The following AKAP6 variants were observed in gnomAD, a reference collection of about 807,000 sequenced individuals.
AKAP6 encodes the protein A-kinase anchor protein 6.
In AKAP6, 58 loss-of-function variants were observed where a neutral mutation model predicts 188.5. The ratio of observed to expected loss-of-function variants is 0.31; its 90% confidence interval spans 0.25 to 0.38. The LOEUF (loss-of-function observed/expected upper bound fraction) is 0.38. AKAP6 is among the 10% of genes least tolerant of loss of function. The probability of loss-of-function intolerance (pLI) is 1.00; values close to 1 mark genes in which losing one functional copy is unlikely to be tolerated. For missense variants in AKAP6, 2,710 were observed against 2,740.0 expected (o/e 0.99, Z 0.24); for synonymous variants, 989 against 998.6 (o/e 0.99, Z 0.18).
rs921467026 is a variant in AKAP6, at chr14:32,671,377, A to G, written c.2731-6934A>G. On this transcript the variant is annotated intron_variant, in intron 7 of 13. Coordinates refer to ENST00000280979, the MANE Select transcript of AKAP6 (RefSeq NM_004274.5). ...AGAGAGAAAGAGGAGGTTTGTTGTA[A>G]ACAGCAAGTATAAACAATTCAAGTA... Among the ~76,000 whole-genome samples, 6 of 152,206 alleles carry G rather than the reference A, an allele frequency of 3.9e-5. No individual in the cohort carries two copies. In the South Asian group the frequency reaches 1.2e-3, roughly 31 times the overall value.
intron 11 of AKAP6, among the ~76,000 whole-genome samples, chr14:32,765,128 T>C (rs1220777092): frequency 6.6e-6 from 1 of 151,784 alleles, no homozygotes; most frequent in African/African-American, 2.4e-5. Flanking sequence ...AGAGACGGGG[T>C]TTCACCATGT....
chr14:32,572,705 A>G (rs933079870), intron 4 of AKAP6, among the ~76,000 whole-genome samples: 1 of 152,250 alleles, frequency 6.6e-6, no homozygotes, highest in African/African-American at 2.4e-5. Context: ...CAAAGCCTCT[A>G]GCAAATTATT....
intron 5 of AKAP6, among the ~76,000 whole-genome samples, chr14:32,593,815 C>A (rs1255946827): frequency 6.6e-6 from 1 of 152,120 alleles, no homozygotes; most frequent in Non-Finnish European, 1.5e-5. Context: ...GATTATCAGT[C>A]TGGGCTTGCT....
At chr14:32,463,575 A>G (rs188687704) in intron 2 of AKAP6, among the ~76,000 whole-genome samples, 1 of 152,350 alleles carries the variant, frequency 6.6e-6, no homozygotes, top group East Asian at 1.9e-4. Flanking sequence ...ACAGTGTACC[A>G]GAATCTCTGG....
chr14:32,815,684 T>C (rs2034359859), intron 12 of AKAP6, among the ~76,000 whole-genome samples: 1 of 152,206 alleles, frequency 6.6e-6, no homozygotes, highest in South Asian at 2.1e-4. Flanking sequence ...TTAAACACTG[T>C]TAACGGTTAT....
chr14:32,719,358 T>C (rs2030404604), intron 9 of AKAP6, among the ~76,000 whole-genome samples: 1 of 152,156 alleles, frequency 6.6e-6, no homozygotes, highest in Non-Finnish European at 1.5e-5. Flanking sequence ...CTTGAAAAGA[T>C]AGTTTTTTGA....
At chr14:32,582,793 C>G (rs938732750) in intron 5 of AKAP6, among the ~76,000 whole-genome samples, 38 of 152,330 alleles carry the variant, frequency 2.5e-4, no homozygotes, top group Non-Finnish European at 5.1e-4. Context: ...GCTCCTGAGG[C>G]TTCTGCATTC....
intron 12 of AKAP6, among the ~76,000 whole-genome samples, chr14:32,819,810 C>T (rs745517139): frequency 7.9e-5 from 12 of 151,908 alleles, no homozygotes; most frequent in South Asian, 2.1e-4. Context: ...TAGCCAGGTA[C>T]GGTGGCACGC....
At chr14:32,372,115 T>G (rs1458170178) in intron 1 of AKAP6, among the ~76,000 whole-genome samples, 1 of 152,068 alleles carries the variant, frequency 6.6e-6, no homozygotes, top group Non-Finnish European at 1.5e-5. Flanking sequence ...GATGAACAAA[T>G]AAACTGCTGT....
intron 2 of AKAP6, among the ~76,000 whole-genome samples, chr14:32,453,885 G>A (rs562579112): frequency 3.5e-4 from 53 of 152,214 alleles, no homozygotes; most frequent in African/African-American, 1.3e-3. Flanking sequence ...GCGCCCGGCC[G>A]AATTTTTCAA....
chr14:32,434,976 G>C (rs1890335121), intron 2 of AKAP6, among the ~76,000 whole-genome samples: 1 of 152,198 alleles, frequency 6.6e-6, no homozygotes, highest in African/African-American at 2.4e-5. Flanking sequence ...AGGGAAAAAA[G>C]TACAAAAAGG....
At chr14:32,735,620 G>GTTCT (rs774804097) in intron 10 of AKAP6, 38 bp from the exon 11 acceptor site, 8 of 1,406,434 alleles carry the variant, frequency 5.7e-6, no homozygotes, top group Admixed American at 2.4e-5. Flanking sequence ...TTTTTTGTTT[G>GTTCT]TTTGTTTTAT....
intron 2 of AKAP6, 79 bp from the exon 3 acceptor site, chr14:32,535,475 G>A (rs1882629615): frequency 6.0e-6 from 9 of 1,497,690 alleles, no homozygotes; most frequent in Non-Finnish European, 8.2e-6. Flanking sequence ...TTAGGTAAGA[G>A]TGTACTTTTC....
chr14:32,775,249 A>G (rs977264177), intron 12 of AKAP6, among the ~76,000 whole-genome samples: 3 of 152,150 alleles, frequency 2.0e-5, no homozygotes, highest in East Asian at 1.9e-4. Flanking sequence ...TTAAGCCTGT[A>G]ATCGTGGTAG....
intron 2 of AKAP6, among the ~76,000 whole-genome samples, chr14:32,476,733 T>C (rs1957029): frequency 0.27 from 41,534 of 152,052 alleles, 6,109 homozygotes; most frequent in Non-Finnish European, 0.32. Flanking sequence ...CAAAGCCAAA[T>C]ACTGACATAG....
intron 2 of AKAP6, among the ~76,000 whole-genome samples, chr14:32,445,920 C>A (rs1315896897): frequency 6.6e-6 from 1 of 152,154 alleles, no homozygotes; most frequent in Non-Finnish European, 1.5e-5. Context: ...TTAGGGAAAG[C>A]TAGCTCTCAT....
At chr14:32,733,111 T>C (rs2139832635) in intron 10 of AKAP6, 1 of 158,276 alleles carries the variant, frequency 6.3e-6, no homozygotes, top group South Asian at 2.0e-4. Context: ...TCAGCCTGTG[T>C]TTTGTGCCTC....
At chr14:32,451,577 A>G (rs992923840) in intron 2 of AKAP6, among the ~76,000 whole-genome samples, 4 of 152,182 alleles carry the variant, frequency 2.6e-5, no homozygotes, top group Non-Finnish European at 5.9e-5. Context: ...GCTGTCGTTG[A>G]CTAATTTATT....
At position 32,667,006 on chromosome 14, in the gene AKAP6, G is replaced by A. The variant is rs74353109; in HGVS notation, c.2731-11305G>A. On this transcript the variant is annotated intron_variant, in intron 7 of 13. Coordinates refer to ENST00000280979, the MANE Select transcript of AKAP6 (RefSeq NM_004274.5). ...AAAAGTGAAGTCTTTTTATTGTGAT[G>A]TCTTTCTGCTATATAAGCAGTCAGT... Among the ~76,000 whole-genome samples, 474 of 151,934 alleles carry A rather than the reference G, an allele frequency of 3.1e-3. 2 individuals carry two copies. The highest frequency in any genetic ancestry group is 0.011 in the African/African-American group (436 of 41,470).
Sources: allele counts gnomAD v4.1 joint callset (sites outside exome capture counted in the v4.1 genomes callset), GRCh38; gene constraint gnomAD v4.1.1; transcripts MANE v1.5; gene names NCBI Gene and HGNC (gene_info 2026-07-23, HGNC 2026-07-21).